AOPEP: variants seen among roughly 807,000 people sequenced by gnomAD.
The protein encoded by AOPEP is aminopeptidase O.
A neutral mutation model predicts 98.1 loss-of-function variants in AOPEP; 77 were observed. That is an observed-to-expected ratio of 0.78 (90% confidence interval 0.65 to 0.95). The LOEUF (loss-of-function observed/expected upper bound fraction) is 0.95, where lower values mean the gene tolerates loss of function less well. Among genes scored for constraint, AOPEP ranks in the 40% least tolerant of loss-of-function variants. AOPEP has a pLI of 0.00. For missense variants in AOPEP, 1,024 were observed against 1,024.7 expected, an observed-to-expected ratio of 1.00 and a Z score of 0.01; for synonymous variants, 346 against 365.3, an observed-to-expected ratio of 0.95 and a Z score of 0.60.
At chr9:94,912,231 A>G (rs2052154624) in intron 5 of AOPEP, among the ~76,000 whole-genome samples, 1 of 152,026 alleles carries the variant, frequency 6.6e-6, no homozygotes, top group Non-Finnish European at 1.5e-5. Flanking sequence ...GTTCTTAAAA[A>G]CCACTAGAAT....
chr9:95,138,012 G>A, the AOPEP span, among the ~76,000 whole-genome samples: 2 of 152,262 alleles, frequency 1.3e-5, no homozygotes, highest in South Asian at 2.1e-4. Flanking sequence ...GTGTGCTCCT[G>A]AAAGGCTGCC....
the AOPEP span, chr9:95,114,695 T>G: frequency 1.2e-6 from 2 of 1,614,168 alleles, no homozygotes; most frequent in African/African-American, 1.3e-5. Flanking sequence ...CTGGAGCCAG[T>G]GTCCCCGAGG....
chr9:95,053,514 T>C (rs1372507528), intron 13 of AOPEP, among the ~76,000 whole-genome samples: 1 of 152,218 alleles, frequency 6.6e-6, no homozygotes, highest in East Asian at 1.9e-4. Context: ...ACCGTTTTTT[T>C]ACAGTAAAGG....
chr9:94,926,600 T>C (rs1389607498), intron 6 of AOPEP, among the ~76,000 whole-genome samples: 3 of 151,978 alleles, frequency 2.0e-5, no homozygotes, highest in Non-Finnish European at 4.4e-5. Flanking sequence ...CCCTGGCGAG[T>C]GCCTGCCTCA....
At chr9:95,145,815 CAA>C in the AOPEP span, among the ~76,000 whole-genome samples, 3 of 152,138 alleles carry the variant, frequency 2.0e-5, no homozygotes, top group African/African-American at 4.8e-5. Context: ...TTATCACACT[CAA>C]GAGGGCGGAC....
At chr9:94,969,968 T>G (rs1429432291) in intron 10 of AOPEP, among the ~76,000 whole-genome samples, 1 of 152,130 alleles carries the variant, frequency 6.6e-6, no homozygotes, top group Non-Finnish European at 1.5e-5. Context: ...GTCTCCAGGG[T>G]ACAGTGTCAG....
rs568124405 is a variant in AOPEP, at chr9:94,789,734, C to T, written c.965-3031C>T. 5.9e-5 allele frequency among the ~76,000 whole-genome samples: 9 copies of T among 152,308 alleles called. No individual in the cohort carries two copies. The South Asian group carries it at 1.7e-3, about 28-fold the overall frequency. ...ATCAAGACGTCTGTGACTGTCCCTA[C>T]CTCCTTCTACTGGCTTGGAATCAGA... On this transcript the variant is annotated intron_variant, in intron 3 of 16. Coordinates refer to ENST00000375315, the MANE Select transcript of AOPEP (RefSeq NM_001193329.3).
intron 5 of AOPEP, among the ~76,000 whole-genome samples, chr9:94,870,303 AT>A (rs1321542891): frequency 6.6e-6 from 1 of 152,104 alleles, no homozygotes; most frequent in Non-Finnish European, 1.5e-5. Context: ...GACATTAATT[AT>A]TTTAAAAGGG....
At chr9:94,762,437 A>G (rs1838556068) in intron 2 of AOPEP, among the ~76,000 whole-genome samples, 1 of 150,768 alleles carries the variant, frequency 6.6e-6, no homozygotes, top group South Asian at 2.1e-4. Flanking sequence ...ACAGAGTGAG[A>G]CTCCGTCTCA....
chr9:94,943,507 T>C (rs2057247448), intron 7 of AOPEP, among the ~76,000 whole-genome samples: 1 of 151,112 alleles, frequency 6.6e-6, no homozygotes, highest in Non-Finnish European at 1.5e-5. Flanking sequence ...GGCAGGAGAA[T>C]TGCTTGAATC....
At chr9:95,019,548 A>C (rs2063293524) in intron 13 of AOPEP, 1 of 152,170 alleles carries the variant, frequency 6.6e-6, no homozygotes, top group South Asian at 2.1e-4. Flanking sequence ...ATCACATTGA[A>C]GTTTTCTGTC....
intron 5 of AOPEP, among the ~76,000 whole-genome samples, chr9:94,823,816 C>T (rs998608713): frequency 3.3e-5 from 5 of 152,216 alleles, no homozygotes; most frequent in African/African-American, 1.2e-4. Flanking sequence ...ATCGGGTGCT[C>T]ATTGCTATCA....
chr9:95,016,406 G>T (rs149721346), intron 13 of AOPEP, among the ~76,000 whole-genome samples: 1,892 of 150,374 alleles, frequency 0.013, 41 homozygotes, highest in African/African-American at 0.043. Context: ...ACCACGCCTG[G>T]CTAATTTTTG....
chr9:94,839,113 T>A (rs2041983098), intron 5 of AOPEP, among the ~76,000 whole-genome samples: 1 of 130,292 alleles, frequency 7.7e-6, no homozygotes, highest in South Asian at 2.4e-4. Context: ...TGAGAGGGAG[T>A]CTCACTCTGT....
rs138435752 is a variant in AOPEP at position 94,819,394 on chromosome 9, G to A, written c.1364+18392G>A. Among the ~76,000 whole-genome samples the A allele has an allele frequency of 2.7e-3, 408 of 152,246 alleles. 1 individual carries two copies. The highest frequency in any genetic ancestry group is 9.3e-3 in the African/African-American group (386 of 41,548). ...GACCAAGTGTGTGGCCAGCAGCTGC[G>A]GGGAGCCAGGGCAACTCCTGCCCGC... On this transcript the variant is annotated intron_variant, in intron 5 of 16. Coordinates refer to ENST00000375315, the MANE Select transcript of AOPEP (RefSeq NM_001193329.3).
chr9:95,016,432 G>A (rs1313586793), intron 13 of AOPEP, among the ~76,000 whole-genome samples: 1 of 151,114 alleles, frequency 6.6e-6, no homozygotes, highest in Non-Finnish European at 1.5e-5. Context: ...TAGTAGAAAT[G>A]GGGTTTCATC....
intron 7 of AOPEP, among the ~76,000 whole-genome samples, chr9:94,954,468 A>T (rs1177443120): frequency 6.6e-6 from 1 of 152,196 alleles, no homozygotes; most frequent in African/African-American, 2.4e-5. Flanking sequence ...CTAAGGAAAA[A>T]ATCGCAAAAA....
chr9:94,776,093 T>C (rs1428763365), intron 3 of AOPEP, among the ~76,000 whole-genome samples: 1 of 152,148 alleles, frequency 6.6e-6, no homozygotes, highest in Non-Finnish European at 1.5e-5. Context: ...ATAACGTGTT[T>C]TTCTTACCTC....
At position 94,981,644 on chromosome 9, in the gene AOPEP, A is replaced by G. The variant is rs111634451; in HGVS notation, c.1977+2217A>G. 7.9e-3 allele frequency among the ~76,000 whole-genome samples: 1,207 copies of G among 152,152 alleles called. 22 individuals carry two copies. Among genetic ancestry groups the G allele is most frequent in the African/African-American group, 0.028 (1,155 of 41,510 alleles). The stretch of plus-strand genomic sequence containing the variant: ...CGTTTCCACTTCACTGAAAGGCTCT[A>G]CAAGGACCTGGGACCCTCCGGTTGC... On this transcript the variant is annotated intron_variant, in intron 11 of 16. Transcript: ENST00000375315.
Sources: allele counts gnomAD v4.1 joint callset (sites outside exome capture counted in the v4.1 genomes callset), GRCh38; gene constraint gnomAD v4.1.1; transcripts MANE v1.5; gene names NCBI Gene and HGNC (gene_info 2026-07-23, HGNC 2026-07-21).